The following FHIP1A variants were observed in gnomAD, a reference collection of about 807,000 sequenced individuals.
FHIP1A encodes the protein FHF complex subunit HOOK interacting protein 1A.
A neutral mutation model predicts 88.6 loss-of-function variants in FHIP1A; 61 were observed. The ratio of observed to expected loss-of-function variants is 0.69; its 90% CI spans 0.56 to 0.85. FHIP1A has a LOEUF of 0.85. Among genes scored for constraint, FHIP1A ranks in the 40% least tolerant of loss-of-function variants. FHIP1A has a pLI of 0.00. For synonymous variants in FHIP1A, 478 were observed against 496.0 expected, an observed-to-expected ratio of 0.96 and a Z score of 0.48; for missense variants, 1,154 against 1,273.5, an observed-to-expected ratio of 0.91 and a Z score of 1.43.
chr4:151,521,124 TTTTTA>T (rs1731429228), intron 3 of FHIP1A, among the ~76,000 whole-genome samples: 1 of 152,206 alleles, frequency 6.6e-6, no homozygotes, highest in Admixed American at 6.5e-5. Flanking sequence ...GAGGTGCATG[TTTTTA>T]TTTTATGTGT....
At chr4:151,453,576 A>G (rs908457393) in intron 1 of FHIP1A, among the ~76,000 whole-genome samples, 1 of 152,206 alleles carries the variant, frequency 6.6e-6, no homozygotes, top group Admixed American at 6.5e-5. Context: ...CAGGCATGAG[A>G]TATTATAAAT....
At chr4:151,638,343 G>GTGTA (rs760303929) in intron 8 of FHIP1A, among the ~76,000 whole-genome samples, 4 of 151,726 alleles carry the variant, frequency 2.6e-5, no homozygotes, top group Non-Finnish European at 5.9e-5. Flanking sequence ...GTGTGTGTGT[G>GTGTA]TGTATGTGAG....
intron 2 of FHIP1A, among the ~76,000 whole-genome samples, chr4:151,462,329 G>GCA (rs1729169530): frequency 6.6e-6 from 1 of 152,016 alleles, no homozygotes; most frequent in Non-Finnish European, 1.5e-5. Context: ...TTCATGTTCC[G>GCA]TATCTTTCTT....
In FHIP1A at chr4:151,656,096, C is replaced by T. The variant is rs1737220779; in HGVS notation, c.2552-136C>T. 2 of 588,540 alleles carry T rather than the reference C, an allele frequency of 3.4e-6. No individual in the cohort carries two copies. Among genetic ancestry groups the T allele is most frequent in the South Asian group, 6.5e-5 (2 of 30,800 alleles). 36.5% of individuals were successfully genotyped at this position (588,540 alleles called of 1,614,324 possible). ...GGTTTTGAGGCAGGAGAAAACGTGG[C>T]CATATTTGCTGTGTCTGGCTTGCAC... On this transcript the variant is annotated intron_variant, in intron 11 of 13. Coordinates refer to ENST00000435205, the MANE Select transcript of FHIP1A (RefSeq NM_001109977.3). The surrounding 1 kb of genome is among the most constrained non-coding windows in gnomAD (Gnocchi z 4.2).
At chr4:151,562,399 C>G (rs932711340) in intron 3 of FHIP1A, among the ~76,000 whole-genome samples, 2 of 152,216 alleles carry the variant, frequency 1.3e-5, no homozygotes, top group Non-Finnish European at 1.5e-5. Flanking sequence ...CACTCTCCTG[C>G]CTGTGTTCTT....
At chr4:151,585,781 G>T (rs1734187875) in intron 5 of FHIP1A, among the ~76,000 whole-genome samples, 1 of 152,128 alleles carries the variant, frequency 6.6e-6, no homozygotes, top group South Asian at 2.1e-4. Context: ...AAGCCCAAAG[G>T]CTGTCAATTT....
chr4:151,581,679 T>A (rs1027799495), intron 5 of FHIP1A, among the ~76,000 whole-genome samples: 1 of 152,052 alleles, frequency 6.6e-6, no homozygotes, highest in African/African-American at 2.4e-5. Context: ...TAATTACATC[T>A]GACAACATAA....
chr4:151,502,680 G>C (rs999818063), intron 3 of FHIP1A, among the ~76,000 whole-genome samples: 6 of 152,094 alleles, frequency 3.9e-5, no homozygotes, highest in African/African-American at 1.4e-4. Context: ...AAGAGAAAGG[G>C]GCAATGTGCT....
intron 3 of FHIP1A, among the ~76,000 whole-genome samples, chr4:151,493,146 T>A (rs1009696388): frequency 6.6e-6 from 1 of 152,124 alleles, no homozygotes; most frequent in Non-Finnish European, 1.5e-5. Flanking sequence ...ATGGGAGATA[T>A]TAAAACCAAT....
At chr4:151,440,195 A>C (rs1470439690) in intron 1 of FHIP1A, among the ~76,000 whole-genome samples, 2 of 152,102 alleles carry the variant, frequency 1.3e-5, no homozygotes, top group African/African-American at 4.8e-5. Context: ...TGAGAACAGA[A>C]TGGGGGGGAA....
chr4:151,566,197 G>C lies in FHIP1A; in HGVS notation c.-63G>C. The C allele has an allele frequency of 9.6e-7, 1 of 1,041,254 alleles. No individual in the cohort carries two copies. Among genetic ancestry groups the C allele is most frequent in the Non-Finnish European group, 1.4e-6 (1 of 719,730 alleles). 64.5% of individuals were successfully genotyped at this position (1,041,254 alleles called of 1,614,324 possible). On this transcript the variant is annotated 5_prime_UTR_variant, in exon 4 of 14. Coordinates refer to ENST00000435205, the MANE Select transcript of FHIP1A (RefSeq NM_001109977.3). The stretch of plus-strand genomic sequence containing the variant: ...ACATTTCTCAAACTTGAAAGTTAGT[G>C]ACGGCTTACCAAATTTTAATGAAAA...
intron 1 of FHIP1A, among the ~76,000 whole-genome samples, chr4:151,452,718 A>G (rs775486015): frequency 3.3e-5 from 5 of 151,804 alleles, no homozygotes; most frequent in Non-Finnish European, 4.4e-5. Context: ...CAGAGGTTGC[A>G]GTGAGCAGAG....
intron 7 of FHIP1A, among the ~76,000 whole-genome samples, chr4:151,627,419 G>C (rs540804746): frequency 2.6e-5 from 4 of 152,274 alleles, no homozygotes; most frequent in Admixed American, 6.5e-5. Context: ...GTAACTTAAG[G>C]GGGGAAAAGC....
intron 7 of FHIP1A, among the ~76,000 whole-genome samples, chr4:151,600,171 C>G (rs776247135): frequency 7.2e-5 from 11 of 152,340 alleles, no homozygotes; most frequent in East Asian, 5.8e-4. Flanking sequence ...GTTGATAGAG[C>G]CTCCACTATT....
chr4:151,456,416 T>C (rs1333366461), intron 2 of FHIP1A, among the ~76,000 whole-genome samples: 1 of 152,118 alleles, frequency 6.6e-6, no homozygotes, highest in Non-Finnish European at 1.5e-5. Flanking sequence ...GGAACTCAAG[T>C]GAGGAGAGTT....
intron 1 of FHIP1A, among the ~76,000 whole-genome samples, chr4:151,413,757 A>G (rs1259347323): frequency 6.6e-6 from 1 of 151,222 alleles, no homozygotes; most frequent in East Asian, 2.0e-4. Flanking sequence ...GCCTGGCCTC[A>G]TATGTATTAC....
At chr4:151,549,030 TG>T (rs921139911) in intron 3 of FHIP1A, among the ~76,000 whole-genome samples, 1 of 152,158 alleles carries the variant, frequency 6.6e-6, no homozygotes, top group Non-Finnish European at 1.5e-5. Context: ...CCCTATTGGC[TG>T]GGGTTGGACT....
intron 3 of FHIP1A, among the ~76,000 whole-genome samples, chr4:151,496,559 A>T (rs56897989): frequency 7.9e-5 from 12 of 151,768 alleles, no homozygotes; most frequent in East Asian, 3.9e-4. Flanking sequence ...TTTATTTATT[A>T]ATTATTTGAG....
chr4:151,498,503 A>AGGATAC (rs1318500080), intron 3 of FHIP1A, among the ~76,000 whole-genome samples: 2 of 151,726 alleles, frequency 1.3e-5, no homozygotes, highest in African/African-American at 4.8e-5. Flanking sequence ...CCCTCACTCT[A>AGGATAC]CTCCCTGGGT....
Sources: gnomAD v4.1 joint callset for allele counts (sites outside exome capture counted in the v4.1 genomes callset) on GRCh38, gnomAD v4.1.1 for gene constraint, Gnocchi (gnomAD v3.1) non-coding constraint, MANE v1.5 for transcripts, NCBI Gene and HGNC (gene_info 2026-07-23, HGNC 2026-07-21) for gene names.